The following XKR9 variants were observed in gnomAD, a reference collection of about 807,000 sequenced individuals.
XKR9 encodes the protein XK-related protein 9.
XKR9 carries 32 observed loss-of-function variants against 32.0 expected under a neutral mutation model. That is an observed-to-expected ratio of 1.00 (90% CI 0.76 to 1.34). XKR9 has a LOEUF of 1.34. XKR9 is among the 40% of genes most tolerant of loss of function. The probability of loss-of-function intolerance (pLI) is 0.00; values close to 1 mark genes in which losing one functional copy is unlikely to be tolerated. For missense variants in XKR9, 546 were observed against 429.7 expected, an observed-to-expected ratio of 1.27 and a Z score of -2.39; for synonymous variants, 168 against 143.4, an observed-to-expected ratio of 1.17 and a Z score of -1.22.
chr8:70,680,308 T>C (rs777759107), intron 2 of XKR9, among the ~76,000 whole-genome samples: 1 of 152,130 alleles, frequency 6.6e-6, no homozygotes, highest in East Asian at 1.9e-4. Context: ...TATTTCGCTC[T>C]TATAAAAAAG....
At chr8:70,893,552 G>T in the XKR9 span, among the ~76,000 whole-genome samples, 1 of 152,154 alleles carries the variant, frequency 6.6e-6, no homozygotes, top group Non-Finnish European at 1.5e-5. Context: ...GGTTATGGTG[G>T]TTCTGCTTCC....
chr8:70,814,518 T>C, the XKR9 span, among the ~76,000 whole-genome samples: 1 of 151,384 alleles, frequency 6.6e-6, no homozygotes, highest in Non-Finnish European at 1.5e-5. Context: ...ATCATCTCAA[T>C]AGACGTCGAA....
rs192965918 is a variant in XKR9 at position 70,750,761 on chromosome 8, A to G, written n.353-38578A>G. ...CTATCACCACAATTAACTTTAGAACATTTTCATTACCTACAAAAATAAACT... is the reference window on the plus strand; with the variant it reads ...CTATCACCACAATTAACTTTAGAACGTTTTCATTACCTACAAAAATAAACT... On this transcript the variant is annotated intron_variant and non_coding_transcript_variant, in intron 2 of 3. Transcript: ENST00000520273. 4.7e-3 allele frequency among the ~76,000 whole-genome samples: 720 copies of G among 152,282 alleles called. 3 individuals are homozygous for G. Among genetic ancestry groups the G allele is most frequent in the Non-Finnish European group, 8.1e-3 (551 of 68,006 alleles).
At chr8:70,869,500 G>GA in the XKR9 span, among the ~76,000 whole-genome samples, 1 of 152,092 alleles carries the variant, frequency 6.6e-6, no homozygotes, top group African/African-American at 2.4e-5. Flanking sequence ...GAATAGCACA[G>GA]AAAAAACCTG....
chr8:70,681,692 A>C (rs574508676), intron 3 of XKR9, among the ~76,000 whole-genome samples: 1 of 152,082 alleles, frequency 6.6e-6, no homozygotes, highest in East Asian at 1.9e-4. Context: ...CACTTTTTTG[A>C]TACTTATCAT....
chr8:70,760,534 T>G (rs1428878602), intron 2 of XKR9, among the ~76,000 whole-genome samples: 1 of 152,044 alleles, frequency 6.6e-6, no homozygotes, highest in Non-Finnish European at 1.5e-5. Context: ...TTTTGAAGGG[T>G]TTTGCTATGT....
intron 3 of XKR9, among the ~76,000 whole-genome samples, chr8:70,685,489 G>GTAT (rs1819235890): frequency 9.7e-6 from 1 of 103,504 alleles, no homozygotes; most frequent in African/African-American, 3.2e-5. Flanking sequence ...AAAACTTAAA[G>GTAT]TATAATAATA....
At chr8:70,818,945 T>A in the XKR9 span, among the ~76,000 whole-genome samples, 1 of 152,208 alleles carries the variant, frequency 6.6e-6, no homozygotes, top group East Asian at 1.9e-4. Flanking sequence ...AAGAACAGAC[T>A]TCTTCCCTGG....
the XKR9 span, among the ~76,000 whole-genome samples, chr8:70,855,216 G>GCT: frequency 6.6e-6 from 1 of 151,888 alleles, no homozygotes; most frequent in African/African-American, 2.4e-5. Context: ...TGGCAAAGAA[G>GCT]TTAAGAACCT....
At chr8:70,787,272 C>T (rs752619263) in intron 2 of XKR9, among the ~76,000 whole-genome samples, 5 of 152,106 alleles carry the variant, frequency 3.3e-5, no homozygotes, top group Non-Finnish European at 5.9e-5. Context: ...ATACTGATCA[C>T]CTGTTTGAAT....
At chr8:70,682,490 AAAAG>A (rs1365127183) in intron 3 of XKR9, among the ~76,000 whole-genome samples, 1 of 152,218 alleles carries the variant, frequency 6.6e-6, no homozygotes, top group Non-Finnish European at 1.5e-5. Context: ...ATTGTATTAT[AAAAG>A]AAAGGCCAAA....
the XKR9 span, among the ~76,000 whole-genome samples, chr8:70,880,913 CA>C: frequency 6.6e-6 from 1 of 152,102 alleles, no homozygotes; most frequent in Non-Finnish European, 1.5e-5. Context: ...GTACTGGTAC[CA>C]AAACAGATAT....
chr8:70,891,331 T>C, the XKR9 span, among the ~76,000 whole-genome samples: 1 of 152,100 alleles, frequency 6.6e-6, no homozygotes, highest in East Asian at 1.9e-4. Flanking sequence ...CTTAGACTAA[T>C]TTTGGGTTTG....
chr8:70,868,972 C>T, the XKR9 span, among the ~76,000 whole-genome samples: 1 of 152,196 alleles, frequency 6.6e-6, no homozygotes, highest in South Asian at 2.1e-4. Flanking sequence ...GGGCAAAATG[C>T]CACCAGTCTC....
chr8:70,854,655 G>C, the XKR9 span, among the ~76,000 whole-genome samples: 2 of 152,106 alleles, frequency 1.3e-5, no homozygotes, highest in Non-Finnish European at 2.9e-5. Context: ...TATGGTTTTA[G>C]GTCTAACATT....
the XKR9 span, among the ~76,000 whole-genome samples, chr8:70,921,674 T>A: frequency 2.0e-5 from 3 of 152,178 alleles, no homozygotes; most frequent in Non-Finnish European, 4.4e-5. Context: ...GCTGTGTAAT[T>A]TTATGGCAGA....
At chr8:70,719,921 T>C (rs1166659991) in intron 4 of XKR9, among the ~76,000 whole-genome samples, 1 of 152,220 alleles carries the variant, frequency 6.6e-6, no homozygotes, top group Non-Finnish European at 1.5e-5. Context: ...TGAATCTTCC[T>C]ATCCATGAGC....
At chr8:71,031,893 G>A in the XKR9 span, among the ~76,000 whole-genome samples, 7 of 152,140 alleles carry the variant, frequency 4.6e-5, no homozygotes, top group Admixed American at 3.3e-4. Flanking sequence ...GACCTGTACA[G>A]TCCACTGGCA....
At chr8:70,827,551 C>A in the XKR9 span, among the ~76,000 whole-genome samples, 2 of 152,060 alleles carry the variant, frequency 1.3e-5, no homozygotes, top group Non-Finnish European at 2.9e-5. Context: ...ATTAAGAGAC[C>A]TTGGAAATAT....
Sources: gnomAD v4.1 joint callset for allele counts (sites outside exome capture counted in the v4.1 genomes callset) on GRCh38, gnomAD v4.1.1 for gene constraint, MANE v1.5 for transcripts, NCBI Gene and HGNC (gene_info 2026-07-23, HGNC 2026-07-21) for gene names.